OPCML: variants seen among roughly 807,000 people sequenced by gnomAD.
OPCML encodes the protein opioid binding protein/cell adhesion molecule like.
Under a neutral mutation model 37.8 loss-of-function variants are expected in OPCML, and 13 were observed. The ratio of observed to expected loss-of-function variants is 0.34; its 90% CI spans 0.22 to 0.55. The LOEUF (loss-of-function observed/expected upper bound fraction) is 0.55. Among genes scored for constraint, OPCML ranks in the 20% least tolerant of loss-of-function variants. OPCML has a pLI of 0.91. For synonymous variants in OPCML, 176 were observed against 168.8 expected (o/e 1.04, Z -0.33); for missense variants, 341 against 435.6 (o/e 0.78, Z 1.93).
In OPCML at chr11:132,425,915, A is replaced by G. The variant is rs185831916; in HGVS notation, c.917-5622T>C. Among the ~76,000 whole-genome samples, 45 of 152,372 alleles carry G rather than the reference A, an allele frequency of 3.0e-4. 1 individual carries two copies. Among genetic ancestry groups the G allele is most frequent in the African/African-American group, 8.7e-4 (36 of 41,594 alleles). On this transcript the variant is annotated intron_variant, in intron 7 of 7. Transcript: ENST00000524381. ...TCTATTTATGGTTAGCAATAATTCA[A>G]TTGAACTAGAATGGCTGCTACAAAT...
At chr11:132,796,575 T>C (rs1187821158) in intron 2 of OPCML, among the ~76,000 whole-genome samples, 4 of 133,266 alleles carry the variant, frequency 3.0e-5, no homozygotes, top group Non-Finnish European at 6.3e-5. Flanking sequence ...CTTTTTTTTT[T>C]TTTTTTTTTT....
chr11:132,615,357 C>A (rs926911734), intron 3 of OPCML, among the ~76,000 whole-genome samples: 1 of 152,176 alleles, frequency 6.6e-6, no homozygotes, highest in Admixed American at 6.5e-5. Context: ...TGCTTCTTGT[C>A]TCTAAGCCTT....
chr11:132,686,007 C>T (rs930922514), intron 2 of OPCML, among the ~76,000 whole-genome samples: 7 of 152,188 alleles, frequency 4.6e-5, no homozygotes, highest in Non-Finnish European at 2.9e-5. Context: ...GGGCATGAGG[C>T]ATGTTCACTT....
intron 1 of OPCML, among the ~76,000 whole-genome samples, chr11:133,010,827 C>T (rs1947199256): frequency 6.6e-6 from 1 of 152,100 alleles, no homozygotes; most frequent in African/African-American, 2.4e-5. Context: ...AAAAGCCATG[C>T]CACCAAATCC....
At chr11:132,564,243 C>T (rs894529452) in intron 3 of OPCML, among the ~76,000 whole-genome samples, 4 of 152,200 alleles carry the variant, frequency 2.6e-5, no homozygotes, top group Admixed American at 1.3e-4. Flanking sequence ...CCCTCTATTA[C>T]TCAATTATCT....
At chr11:132,935,175 A>C (rs1945330269) in intron 2 of OPCML, among the ~76,000 whole-genome samples, 1 of 152,052 alleles carries the variant, frequency 6.6e-6, no homozygotes, top group Non-Finnish European at 1.5e-5. Flanking sequence ...TTTTAAAATT[A>C]AATTTGGCTC....
chr11:132,926,921 T>G (rs1039686), intron 2 of OPCML, among the ~76,000 whole-genome samples: 7 of 151,658 alleles, frequency 4.6e-5, no homozygotes, highest in Admixed American at 4.6e-4. Flanking sequence ...AAAAACAAAT[T>G]CTAGAGCTGA....
chr11:132,797,708 AT>A (rs1938410340), intron 2 of OPCML, among the ~76,000 whole-genome samples: 1 of 152,222 alleles, frequency 6.6e-6, no homozygotes, highest in African/African-American at 2.4e-5. Context: ...ATTGATCTCT[AT>A]CAATGGGTCA....
chr11:132,897,798 G>A (rs2136485264), intron 2 of OPCML, among the ~76,000 whole-genome samples: 1 of 152,302 alleles, frequency 6.6e-6, no homozygotes, highest in Middle Eastern at 3.4e-3. Flanking sequence ...CAGGCTGGAT[G>A]GTCAGGGACT....
chr11:132,520,222 CATTATACCT>C (rs2096289414), intron 4 of OPCML, among the ~76,000 whole-genome samples: 1 of 152,182 alleles, frequency 6.6e-6, no homozygotes, highest in Non-Finnish European at 1.5e-5. Flanking sequence ...TATCATTTTA[CATTATACCT>C]ATTCCAACCT....
At chr11:132,566,384 TCTA>T (rs1422621554) in intron 3 of OPCML, among the ~76,000 whole-genome samples, 1 of 152,212 alleles carries the variant, frequency 6.6e-6, no homozygotes, top group Non-Finnish European at 1.5e-5. Flanking sequence ...TGTTGTCAGC[TCTA>T]CTCTTTCAGC....
intron 4 of OPCML, among the ~76,000 whole-genome samples, chr11:132,524,371 A>C (rs2508974): frequency 0.39 from 60,024 of 151,976 alleles, 14,432 homozygotes; most frequent in Non-Finnish European, 0.54. Flanking sequence ...TTCCATCATC[A>C]TCCTACTTCC....
At chr11:132,850,646 T>C (rs1397468868) in intron 2 of OPCML, among the ~76,000 whole-genome samples, 4 of 152,148 alleles carry the variant, frequency 2.6e-5, no homozygotes, top group Admixed American at 2.6e-4. Context: ...AGGTTATTTT[T>C]TGAGGAGTCA....
intron 2 of OPCML, among the ~76,000 whole-genome samples, chr11:132,888,582 C>T (rs1469829339): frequency 6.6e-6 from 1 of 152,140 alleles, no homozygotes; most frequent in Non-Finnish European, 1.5e-5. Flanking sequence ...AGGTTATTTG[C>T]TTCGGAAAAA....
chr11:132,487,332 C>T (rs1252332997), intron 4 of OPCML, among the ~76,000 whole-genome samples: 5 of 152,296 alleles, frequency 3.3e-5, no homozygotes, highest in Admixed American at 2.0e-4. Flanking sequence ...CATTGCCTCC[C>T]GGGTCCTATA....
At chr11:133,427,326 T>C (rs1592286696) in intron 1 of OPCML, among the ~76,000 whole-genome samples, 1 of 142,858 alleles carries the variant, frequency 7.0e-6, no homozygotes, top group Admixed American at 7.8e-5. Flanking sequence ...GAACAAAAAC[T>C]TAATAAGCAG....
intron 3 of OPCML, among the ~76,000 whole-genome samples, chr11:132,595,406 T>G (rs1361580333): frequency 1.3e-5 from 2 of 152,236 alleles, no homozygotes; most frequent in African/African-American, 4.8e-5. Flanking sequence ...GGCAAGTTAT[T>G]AACAAGCAGA....
rs553544083 is a variant in OPCML at position 133,429,263 on chromosome 11, G to A, written c.61+103001C>T. ...CCACTGAGGTGGGAACCAGTCTGAC[G>A]TGTTCAAGAGAGATGAAGGAGACCA... On this transcript the variant is annotated intron_variant, in intron 1 of 7. Coordinates refer to ENST00000524381, the MANE Select transcript of OPCML (RefSeq NM_001012393.5). Among the ~76,000 whole-genome samples, 79 of 152,314 alleles carry A rather than the reference G, an allele frequency of 5.2e-4. 1 individual carries two copies. The highest frequency in any genetic ancestry group is 1.8e-3 in the African/African-American group (76 of 41,582).
At chr11:132,954,430 C>A (rs5005182) in intron 1 of OPCML, among the ~76,000 whole-genome samples, 2 of 37,372 alleles carry the variant, frequency 5.4e-5, no homozygotes, top group African/African-American at 8.6e-5. Flanking sequence ...TTTAAGTGAA[C>A]TTTTTTAAAG....
Sources: gnomAD v4.1 joint callset for allele counts (sites outside exome capture counted in the v4.1 genomes callset) on GRCh38, gnomAD v4.1.1 for gene constraint, MANE v1.5 for transcripts, NCBI Gene and HGNC (gene_info 2026-07-23, HGNC 2026-07-21) for gene names.